The following NKAIN2 variants were observed in gnomAD, a reference collection of about 807,000 sequenced individuals.
The protein encoded by NKAIN2 is sodium/potassium transporting ATPase interacting 2, also known as sodium/potassium-transporting ATPase subunit beta-1-interacting protein 2.
A neutral mutation model predicts 32.6 loss-of-function variants in NKAIN2; 14 were observed. The ratio of observed to expected loss-of-function variants is 0.43; its 90% CI spans 0.28 to 0.67. The LOEUF (loss-of-function observed/expected upper bound fraction) is 0.67, where lower values mean the gene tolerates loss of function less well. Among genes scored for constraint, NKAIN2 ranks in the 30% least tolerant of loss-of-function variants. The probability of loss-of-function intolerance (pLI) is 0.17; values close to 1 mark genes in which losing one functional copy is unlikely to be tolerated. For missense variants in NKAIN2, 198 were observed against 258.3 expected (o/e 0.77, Z 1.60); for synonymous variants, 80 against 87.2 (o/e 0.92, Z 0.46).
intron 1 of NKAIN2, among the ~76,000 whole-genome samples, chr6:124,091,942 C>T (rs1301888203): frequency 1.3e-5 from 2 of 151,932 alleles, no homozygotes; most frequent in African/African-American, 4.8e-5. Flanking sequence ...AAACTCAGGG[C>T]GTCTTACTTC....
intron 1 of NKAIN2, among the ~76,000 whole-genome samples, chr6:123,988,971 A>T (rs1298393230): frequency 6.6e-6 from 1 of 151,522 alleles, no homozygotes. Context: ...CTTTTGTTTA[A>T]AGGTGTTTAA....
chr6:124,464,204 T>C (rs1485655575), intron 3 of NKAIN2, among the ~76,000 whole-genome samples: 1 of 152,058 alleles, frequency 6.6e-6, no homozygotes, highest in Non-Finnish European at 1.5e-5. Flanking sequence ...GCCAGAGTGG[T>C]CTTGAACTTG....
chr6:124,085,471 T>A (rs1290268095), intron 1 of NKAIN2, among the ~76,000 whole-genome samples: 1 of 151,680 alleles, frequency 6.6e-6, no homozygotes, highest in African/African-American at 2.4e-5. Context: ...AGTGGCCCTT[T>A]GTGTTTGTCA....
intron 4 of NKAIN2, among the ~76,000 whole-genome samples, chr6:124,672,870 T>C (rs1773174550): frequency 6.6e-6 from 1 of 152,100 alleles, no homozygotes; most frequent in African/African-American, 2.4e-5. Flanking sequence ...CTAACTCATT[T>C]GGTATTTTTA....
chr6:124,787,155 G>A (rs565405722), intron 4 of NKAIN2, among the ~76,000 whole-genome samples: 1 of 152,084 alleles, frequency 6.6e-6, no homozygotes, highest in Non-Finnish European at 1.5e-5. Context: ...CCTTTATTCA[G>A]CCTTAAAGAA....
chr6:124,355,518 G>A (rs540722148), intron 3 of NKAIN2, among the ~76,000 whole-genome samples, 171 bp downstream of exon 3: 2 of 147,836 alleles, frequency 1.4e-5, no homozygotes, highest in South Asian at 4.3e-4. Flanking sequence ...TATGTCTGGT[G>A]AGTCACAAAA....
At chr6:124,601,266 C>G (rs1270385758) in intron 3 of NKAIN2, among the ~76,000 whole-genome samples, 1 of 152,016 alleles carries the variant, frequency 6.6e-6, no homozygotes, top group South Asian at 2.1e-4. Flanking sequence ...CATTACCATG[C>G]TTTGGAAAGA....
intron 4 of NKAIN2, among the ~76,000 whole-genome samples, chr6:124,756,568 A>G (rs1031929408): frequency 6.6e-6 from 1 of 152,138 alleles, no homozygotes. Context: ...GCCTAGGAGA[A>G]GGATCACTTG....
chr6:124,479,695 CT>C (rs1179682183), intron 3 of NKAIN2, among the ~76,000 whole-genome samples: 1 of 152,062 alleles, frequency 6.6e-6, no homozygotes, highest in Non-Finnish European at 1.5e-5. Flanking sequence ...ATTATTTTGC[CT>C]TTTAATTTGT....
intron 1 of NKAIN2, among the ~76,000 whole-genome samples, chr6:124,258,142 TAA>T (rs34430558): frequency 7.3e-4 from 106 of 144,786 alleles, no homozygotes; most frequent in African/African-American, 2.3e-3. Flanking sequence ...TTTTCAAGAT[TAA>T]AAAAAAAAAA....
At chr6:124,581,229 C>G (rs978722960) in intron 3 of NKAIN2, among the ~76,000 whole-genome samples, 6 of 151,890 alleles carry the variant, frequency 4.0e-5, no homozygotes, top group Non-Finnish European at 4.4e-5. Flanking sequence ...CATGAGGTCA[C>G]GAGATCGAGA....
chr6:124,023,940 A>G (rs567488790), intron 1 of NKAIN2, among the ~76,000 whole-genome samples: 2 of 152,296 alleles, frequency 1.3e-5, no homozygotes, highest in South Asian at 4.1e-4. Context: ...GGATTGATAT[A>G]GAAAAATCGT....
At chr6:123,933,957 G>C (rs1776385795) in intron 1 of NKAIN2, among the ~76,000 whole-genome samples, 1 of 152,092 alleles carries the variant, frequency 6.6e-6, no homozygotes, top group African/African-American at 2.4e-5. Context: ...GCCAAACATG[G>C]GGCTTTGGGA....
At chr6:124,325,080 G>A (rs1797358926) in intron 2 of NKAIN2, among the ~76,000 whole-genome samples, 2 of 151,966 alleles carry the variant, frequency 1.3e-5, no homozygotes. Flanking sequence ...GGCATAAAGA[G>A]CCAATTCATG....
intron 1 of NKAIN2, among the ~76,000 whole-genome samples, chr6:123,992,995 A>G (rs1286533352): frequency 1.3e-5 from 2 of 151,904 alleles, no homozygotes; most frequent in Non-Finnish European, 2.9e-5. Context: ...GACAAATTGT[A>G]TAAACCCTCT....
chr6:124,103,990 G>A (rs1226148783), intron 1 of NKAIN2, among the ~76,000 whole-genome samples: 1 of 152,152 alleles, frequency 6.6e-6, no homozygotes, highest in Non-Finnish European at 1.5e-5. Context: ...GGAGGCTGAG[G>A]CGGGACAATG....
intron 3 of NKAIN2, among the ~76,000 whole-genome samples, chr6:124,564,463 A>G (rs747604045): frequency 1.4e-5 from 2 of 139,374 alleles, no homozygotes; most frequent in Non-Finnish European, 1.6e-5. Context: ...GTGGGGACAA[A>G]TAAGAGAATA....
At chr6:124,746,995 C>T (rs1224111141) in intron 4 of NKAIN2, among the ~76,000 whole-genome samples, 1 of 151,910 alleles carries the variant, frequency 6.6e-6, no homozygotes, top group Non-Finnish European at 1.5e-5. Flanking sequence ...AAAGTTATGA[C>T]ATATGGATTA....
chr6:124,626,835 C>T (rs1375018613), intron 3 of NKAIN2, among the ~76,000 whole-genome samples: 1 of 152,126 alleles, frequency 6.6e-6, no homozygotes, highest in Non-Finnish European at 1.5e-5. Flanking sequence ...GACCTATGTT[C>T]TTATTCAAAG....
Sources: allele counts gnomAD v4.1 joint callset (sites outside exome capture counted in the v4.1 genomes callset), GRCh38; gene constraint gnomAD v4.1.1; transcripts MANE v1.5; gene names NCBI Gene and HGNC (gene_info 2026-07-23, HGNC 2026-07-21).